FBXO3: variants seen among roughly 807,000 people sequenced by gnomAD.
The protein encoded by FBXO3 is F-box only protein 3.
In FBXO3, 17 loss-of-function variants were observed where a neutral mutation model predicts 64.8. The ratio of observed to expected loss-of-function variants is 0.26; its 90% CI spans 0.18 to 0.39. FBXO3 has a LOEUF of 0.39. Ranked by LOEUF, FBXO3 falls within the 10% of genes least tolerant of loss-of-function variation. The probability of loss-of-function intolerance (pLI) is 1.00; values close to 1 mark genes in which losing one functional copy is unlikely to be tolerated. For missense variants in FBXO3, 420 were observed against 589.9 expected, an observed-to-expected ratio of 0.71 and a Z score of 2.98; for synonymous variants, 182 against 201.6, an observed-to-expected ratio of 0.90 and a Z score of 0.82.
chr11:33,748,999 A>G (rs1854886212), intron 8 of FBXO3, 107 bp from the exon 9 acceptor site: 3 of 550,308 alleles, frequency 5.5e-6, no homozygotes, highest in Non-Finnish European at 9.3e-6. Flanking sequence ...TTTCCAAAAA[A>G]TTAAGAAACC....
At position 33,747,338 on chromosome 11, in the gene FBXO3, A is replaced by G; in HGVS notation, c.1049-18T>C. On this transcript the variant is annotated intron_variant, in intron 9 of 10. Coordinates refer to ENST00000265651, the MANE Select transcript of FBXO3 (RefSeq NM_012175.4). ...AAATTCACCTGCAGGGAAAACAGTA[A>G]CAATAAACCAAAGTATAAAATTCAT... The G allele has an allele frequency of 1.3e-6, 2 of 1,581,338 alleles. No homozygotes were observed. Among genetic ancestry groups the G allele is most frequent in the Non-Finnish European group, 1.7e-6 (2 of 1,155,786 alleles).
At chr11:33,772,784 G>C (rs923401661) in intron 1 of FBXO3, 3 of 152,076 alleles carry the variant, frequency 2.0e-5, no homozygotes, top group African/African-American at 7.2e-5. Flanking sequence ...ACACTTAACA[G>C]ACTGGCACAT....
intron 5 of FBXO3, among the ~76,000 whole-genome samples, chr11:33,754,922 G>A (rs1855056021): frequency 6.7e-6 from 1 of 149,844 alleles, no homozygotes; most frequent in African/African-American, 2.5e-5. Context: ...CTGGAGTGCA[G>A]TGGCTCGATC....
At chr11:33,753,562 CAT>C (rs1855016876) in intron 6 of FBXO3, 1 of 152,188 alleles carries the variant, frequency 6.6e-6, no homozygotes. Flanking sequence ...CCAGAGACCA[CAT>C]GAGTCAGAGT....
intron 6 of FBXO3, among the ~76,000 whole-genome samples, chr11:33,751,855 C>T (rs1421490311): frequency 6.6e-6 from 1 of 152,232 alleles, no homozygotes; most frequent in Non-Finnish European, 1.5e-5. Context: ...GACCTTCAGA[C>T]TATTTTTTTA....
intron 10 of FBXO3, chr11:33,744,701 T>A (rs1354418031): frequency 1.3e-5 from 2 of 152,192 alleles, no homozygotes; most frequent in African/African-American, 2.4e-5. Flanking sequence ...TTTTATATGT[T>A]TATTTGTGGT....
intron 3 of FBXO3, among the ~76,000 whole-genome samples, chr11:33,766,615 T>A (rs1177418252): frequency 6.6e-6 from 1 of 152,226 alleles, no homozygotes; most frequent in Admixed American, 6.5e-5. Context: ...AAATATGAGA[T>A]TTGAAAATAT....
At chr11:33,748,690 T>C in intron 9 of FBXO3, 87 bp downstream of exon 9, 1 of 748,488 alleles carries the variant, frequency 1.3e-6, no homozygotes. Context: ...TAACGACCTT[T>C]ATACATTTAT....
intron 8 of FBXO3, among the ~76,000 whole-genome samples, chr11:33,749,103 A>G (rs1032074978): frequency 2.6e-5 from 4 of 152,182 alleles, no homozygotes; most frequent in Non-Finnish European, 5.9e-5. Flanking sequence ...CTTTCACTCA[A>G]CTTATGCATT....
chr11:33,765,395 G>C (rs1343292348), intron 3 of FBXO3, among the ~76,000 whole-genome samples: 1 of 152,174 alleles, frequency 6.6e-6, no homozygotes, highest in Non-Finnish European at 1.5e-5. Flanking sequence ...TATTTATATG[G>C]TATGTGCCAC....
rs771696208 is a variant in FBXO3, at chr11:33,754,458, T to A, written c.721A>T (p.Ile241Leu). ...RNPAAIDMFIIGATFTDWFTS... is the reference protein window; with the variant it reads ...RNPAAIDMFILGATFTDWFTS... ...AAAAGACTTTTTTCTTTCCTACCTA[T>A]AATAAACATGTCAATAGCAGCTGGA... is the stretch of plus-strand genomic sequence containing the variant. Residue 241 changes from isoleucine to leucine, a missense_variant, in exon 6 of 11, where the codon ATA becomes TTA. This residue lies in a region of FBXO3 where 337 missense variants were observed against 518.4 expected (regional missense o/e 0.65). Transcript: ENST00000265651. 1.3e-6 allele frequency: 2 copies of A among 1,584,512 alleles called. No individual in the cohort carries two copies. Among genetic ancestry groups the A allele is most frequent in the Non-Finnish European group, 1.7e-6 (2 of 1,167,866 alleles).
chr11:33,769,854 GTTTT>G (rs35225091), intron 2 of FBXO3, among the ~76,000 whole-genome samples: 3 of 124,106 alleles, frequency 2.4e-5, no homozygotes, highest in East Asian at 2.2e-4. Flanking sequence ...CTCAGGGTGG[GTTTT>G]TTTTTTTTTT....
rs1233796445 is a variant in FBXO3, at chr11:33,758,711, C to T, written c.359-110G>A. The T allele has an allele frequency of 4.8e-6, 3 of 630,974 alleles. No homozygotes were observed. In the East Asian group the frequency reaches 9.3e-5, roughly 20 times the overall value. The allele number at this position is 630,974 out of a possible 1,614,324, so 39.1% of individuals were successfully genotyped here. On this transcript the variant is annotated intron_variant, in intron 3 of 10. Transcript: ENST00000265651. ...CAATCTTGGAATGAGTGAATTCTGT[C>T]CAAAATATATGGCTGAAATAGAAGG...
chr11:33,747,223 G>A lies in FBXO3; in HGVS notation c.1146C>T (p.Phe382=), dbSNP rs267602863. 1.2e-6 allele frequency: 2 copies of A among 1,612,118 alleles called. No homozygotes were observed. Among genetic ancestry groups the A allele is most frequent in the Non-Finnish European group, 1.7e-6 (2 of 1,179,466 alleles). Reference sequence around the variant, plus strand: ...TCTTGTCTTTAAAGTAAAGAAAATGGAAGGTATAATATCCTTCCATGTATC... The same window carrying A: ...TCTTGTCTTTAAAGTAAAGAAAATGAAAGGTATAATATCCTTCCATGTATC... ...TSGYMEGYYT[F]HFLYFKDKIF... The change falls in exon 10 of 11, where the codon TTC becomes TTT. Residue 382 remains phenylalanine, a synonymous_variant. Coordinates refer to ENST00000265651, the MANE Select transcript of FBXO3 (RefSeq NM_012175.4).
Position 33,741,791 on chromosome 11 carries a change from C to A in FBXO3, c.*117G>T, listed in dbSNP as rs1564983804. 3 of 1,048,978 alleles carry A rather than the reference C, an allele frequency of 2.9e-6. No homozygotes were observed. The highest frequency in any genetic ancestry group is 2.9e-5 in the East Asian group (1 of 34,004). The allele number at this position is 1,048,978 out of a possible 1,614,324, so 65.0% of individuals were successfully genotyped here. On this transcript the variant is annotated 3_prime_UTR_variant, in exon 11 of 11. Transcript: ENST00000265651. The stretch of plus-strand genomic sequence containing the variant: ...GTCACATAGAACCCAGGGCCTGAAA[C>A]AATATTTCATGCTAGTTTTCCTGCT...
chr11:33,754,403 A>G (rs1855038293), intron 6 of FBXO3, 52 bp downstream of exon 6: 2 of 1,457,214 alleles, frequency 1.4e-6, no homozygotes, highest in Non-Finnish European at 1.9e-6. Flanking sequence ...TAATTTTTTT[A>G]TTATATCCAG....
In FBXO3 at chr11:33,741,605, G is replaced by C. The variant is rs1344872657; in HGVS notation, c.*303C>G. On this transcript the variant is annotated 3_prime_UTR_variant, in exon 11 of 11. Transcript: ENST00000265651. ...CAAAACAGTTCCCTCTCCATTTCTA[G>C]ATTTTTGTAAGTATAAAATATTTTA... 5.6e-5 allele frequency: 11 copies of C among 196,406 alleles called. No homozygotes were observed. Among genetic ancestry groups the C allele is most frequent in the Non-Finnish European group, 8.2e-5 (8 of 97,770 alleles). The allele number at this position is 196,406 out of a possible 1,614,324, so 12.2% of individuals were successfully genotyped here.
In FBXO3 at chr11:33,748,778, A is replaced by G. The variant is rs1188685693; in HGVS notation, c.1047T>C (p.Val349=). ...AAACCTAAATCTTGGGTTCCATACC[A>G]ACTACTCCAGGTCCTTGAACTTCTT... ...DVEEVQGPGV[V]GEFPIISPGR... The change falls in exon 9 of 11, where the codon GTT becomes GTC. Residue 349 remains valine (V), a splice_region_variant and synonymous_variant. Transcript: ENST00000265651. 3.7e-6 allele frequency: 6 copies of G among 1,606,796 alleles called. No individual in the cohort carries two copies. Among genetic ancestry groups the G allele is most frequent in the East Asian group, 2.2e-5 (1 of 44,836 alleles).
intron 8 of FBXO3, 62 bp downstream of exon 8, chr11:33,750,477 C>T (rs1854926930): frequency 6.4e-7 from 1 of 1,568,208 alleles, no homozygotes; most frequent in Non-Finnish European, 8.7e-7. Flanking sequence ...GGGACAATAG[C>T]AACATGTCCA....
Sources: allele counts gnomAD v4.1 joint callset (sites outside exome capture counted in the v4.1 genomes callset), GRCh38; gene constraint gnomAD v4.1.1; regional missense constraint gnomAD v4.1.1; transcripts MANE v1.5; gene names NCBI Gene and HGNC (gene_info 2026-07-23, HGNC 2026-07-21).